The following TPO variants were observed in gnomAD, a reference collection of about 807,000 sequenced individuals.
TPO encodes the protein thyroid peroxidase.
A neutral mutation model predicts 96.9 loss-of-function variants in TPO; 78 were observed. That is an observed-to-expected ratio of 0.81 (90% CI 0.67 to 0.97). The LOEUF (loss-of-function observed/expected upper bound fraction) is 0.97. Among genes scored for constraint, TPO ranks in the 50% least tolerant of loss-of-function variants. The pLI, the probability that TPO is intolerant of heterozygous loss-of-function variation, is 0.00. For missense variants in TPO, 1,252 were observed against 1,274.8 expected (o/e 0.98, Z 0.27); for synonymous variants, 547 against 538.0 (o/e 1.02, Z -0.23).
At chr2:1,374,135 C>A (rs1026590950), upstream of TPO, 1 of 152,292 alleles carries the variant, frequency 6.6e-6, no homozygotes, top group Non-Finnish European at 1.5e-5. Context: ...CTGGATGAAG[C>A]CCTCAGCCAT....
chr2:1,514,879 C>A (rs560322292), intron 14 of TPO, among the ~76,000 whole-genome samples: 1 of 152,330 alleles, frequency 6.6e-6, no homozygotes, highest in African/African-American at 2.4e-5. Flanking sequence ...CTGCTTACGT[C>A]CCTGCTGTGG....
At chr2:1,514,623 C>A (rs901220228) in intron 14 of TPO, among the ~76,000 whole-genome samples, 2 of 152,160 alleles carry the variant, frequency 1.3e-5, no homozygotes, top group African/African-American at 4.8e-5. Context: ...GAAAGCCACT[C>A]CGGCAGCAGC....
At chr2:1,508,320 C>T (rs1361689412) in intron 14 of TPO, among the ~76,000 whole-genome samples, 5 of 152,136 alleles carry the variant, frequency 3.3e-5, no homozygotes, top group Admixed American at 3.3e-4. Flanking sequence ...CATCAATGTT[C>T]ATCAAGGATA....
rs968069629 is a variant in TPO, at chr2:1,540,456, G to C, written c.2619-138G>C. Reference sequence around the variant, plus strand: ...TCAGATTATGATCGACTTGACTGAAGTGTGAAATGAAAGTGGGTTGGAGTG... The same window carrying C: ...TCAGATTATGATCGACTTGACTGAACTGTGAAATGAAAGTGGGTTGGAGTG... On this transcript the variant is annotated intron_variant, in intron 15 of 16. Coordinates refer to ENST00000329066, the MANE Select transcript of TPO (RefSeq NM_001206744.2). 5 of 1,580,708 alleles carry C rather than the reference G, an allele frequency of 3.2e-6. No individual in the cohort carries two copies. In the Admixed American group the frequency reaches 6.7e-5, roughly 21 times the overall value.
At position 1,485,997 on chromosome 2, in the gene TPO, T is replaced by A. The variant is rs900730871; in HGVS notation, c.1597+1143T>A. On this transcript the variant is annotated intron_variant, in intron 9 of 16. Coordinates refer to ENST00000329066, the MANE Select transcript of TPO (RefSeq NM_001206744.2). ...GCCCATGCCTATGTCCTGAATGGTA[T>A]TGCCTAAGTTTTCTTCTAGGGTTTT... Among the ~76,000 whole-genome samples the A allele has an allele frequency of 4.6e-5, 7 of 152,226 alleles. No homozygotes were observed. In the South Asian group the frequency reaches 1.2e-3, roughly 27 times the overall value.
At chr2:1,447,156 C>T (rs1558297103) in intron 5 of TPO, among the ~76,000 whole-genome samples, 1 of 152,150 alleles carries the variant, frequency 6.6e-6, no homozygotes, top group Non-Finnish European at 1.5e-5. Context: ...ATGACACCCT[C>T]CTCCCTTTTG....
At chr2:1,389,400 G>C (rs1487552695) in intron 1 of TPO, among the ~76,000 whole-genome samples, 2 of 152,194 alleles carry the variant, frequency 1.3e-5, no homozygotes, top group Non-Finnish European at 2.9e-5. Flanking sequence ...CATGTTCAGA[G>C]ACAAGAGTTC....
chr2:1,503,663 C>A lies in TPO; in HGVS notation c.2387-285C>A, dbSNP rs539644862. Reference sequence around the variant, plus strand: ...GCCAAATTCCACATTCCCAGGCAGACCCTGATTTCCTCCAGGAAGTCTCCT... The same window carrying A: ...GCCAAATTCCACATTCCCAGGCAGAACCTGATTTCCTCCAGGAAGTCTCCT... On this transcript the variant is annotated intron_variant, in intron 13 of 16. Coordinates refer to ENST00000329066, the MANE Select transcript of TPO (RefSeq NM_001206744.2). 165 of 599,514 alleles carry A rather than the reference C, an allele frequency of 2.8e-4. 2 individuals are homozygous for A. The highest frequency in any genetic ancestry group is 4.5e-4 in the Non-Finnish European group (144 of 317,756). The allele number at this position is 599,514 out of a possible 1,614,324, so 37.1% of individuals were successfully genotyped here.
At chr2:1,532,751 T>C (rs182455615) in intron 15 of TPO, among the ~76,000 whole-genome samples, 79 of 2,292 alleles carry the variant, frequency 0.034, no homozygotes, top group East Asian at 0.05. Flanking sequence ...CTGTGTGCAA[T>C]CTCCCCATAT....
At chr2:1,472,131 C>T (rs145016962) in intron 7 of TPO, among the ~76,000 whole-genome samples, 46 of 151,094 alleles carry the variant, frequency 3.0e-4, no homozygotes, top group African/African-American at 9.5e-4. Context: ...GTGATCTGAA[C>T]GCTCATAGAG....
chr2:1,422,329 G>GTGCCGCGCTGGACAGACCTCGTGCAGC (rs1663693736), intron 2 of TPO, among the ~76,000 whole-genome samples: 4 of 83,542 alleles, frequency 4.8e-5, no homozygotes, highest in African/African-American at 1.5e-4. Context: ...CCTCGTGCAG[G>GTGCCGCGCTGGACAGACCTCGTGCAGC]CGCCTCTCCT....
chr2:1,538,721 GGAGGGC>G (rs1680366884), intron 15 of TPO, among the ~76,000 whole-genome samples: 2 of 152,166 alleles, frequency 1.3e-5, no homozygotes, highest in Admixed American at 6.5e-5. Context: ...TTCAGGCTGA[GGAGGGC>G]GAGGGCTGCC....
chr2:1,507,309 A>C (rs1673574628), intron 14 of TPO, among the ~76,000 whole-genome samples: 1 of 152,194 alleles, frequency 6.6e-6, no homozygotes, highest in Non-Finnish European at 1.5e-5. Context: ...GTTTGAAGTC[A>C]GGTAGTGTGG....
At chr2:1,385,449 T>G (rs1661876350) in intron 1 of TPO, among the ~76,000 whole-genome samples, 1 of 152,214 alleles carries the variant, frequency 6.6e-6, no homozygotes, top group Admixed American at 6.5e-5. Context: ...AGAATGTGTG[T>G]GTCGAGTAAT....
At chr2:1,531,030 A>G (rs1678034895) in intron 15 of TPO, among the ~76,000 whole-genome samples, 1 of 91,248 alleles carries the variant, frequency 1.1e-5, no homozygotes. Context: ...TATCTTTCCC[A>G]CTGTGTGCAA....
intron 7 of TPO, among the ~76,000 whole-genome samples, chr2:1,472,196 T>G (rs1055709202): frequency 3.9e-5 from 6 of 152,092 alleles, no homozygotes; most frequent in Admixed American, 3.9e-4. Context: ...ACGTGAATGC[T>G]CATGGCGTGC....
At position 1,542,172 on chromosome 2, in the gene TPO, ATTGCAGATCCCACTC is replaced by A. The variant is rs1173796976; in HGVS notation, c.2749-247_2749-233del. The A allele has an allele frequency of 1.2e-5, 7 of 597,096 alleles. No homozygotes were observed. In the East Asian group the frequency reaches 1.7e-4, roughly 14 times the overall value. 37.0% of individuals were successfully genotyped at this position (597,096 alleles called of 1,614,324 possible). On this transcript the variant is annotated intron_variant, in intron 16 of 16. Coordinates refer to ENST00000329066, the MANE Select transcript of TPO (RefSeq NM_001206744.2). ...TCTTCCTGAAGGACCCTGCCTGCGG[ATTGCAGATCCCACTC>A]TGTGAGTAGGAACCTTTGCCACGTG...
rs764548001 is a variant in TPO at position 1,487,950 on chromosome 2, C to T, written c.1727C>T (p.Ala576Val). ...VLSNSSTLDL[A>V]SINLQRGRDH... ...TCCAATTCCAGCACCTTGGATCTGG[C>T]GTCCATCAACCTGCAGAGGGGCCGG... The change falls in exon 10 of 17, where the codon GCG (alanine) becomes GTG (valine). Residue 576 changes from alanine to valine, a missense_variant. By Grantham distance (64) the Ala-to-Val change is moderately conservative. Transcript: ENST00000329066. The T allele has an allele frequency of 7.4e-6, 12 of 1,613,976 alleles. No individual in the cohort carries two copies. Among genetic ancestry groups the T allele is most frequent in the Admixed American group, 5.0e-5 (3 of 60,018 alleles).
At chr2:1,402,008 G>A (rs1168967454) in intron 1 of TPO, among the ~76,000 whole-genome samples, 1 of 152,222 alleles carries the variant, frequency 6.6e-6, no homozygotes, top group African/African-American at 2.4e-5. Flanking sequence ...GAGTGGGCAG[G>A]TGGAGGGCAC....
Sources: gnomAD v4.1 joint callset for allele counts (sites outside exome capture counted in the v4.1 genomes callset) on GRCh38, gnomAD v4.1.1 for gene constraint, MANE v1.5 for transcripts, NCBI Gene and HGNC (gene_info 2026-07-23, HGNC 2026-07-21) for gene names.